Variants in USP6 observed in about 807,000 individuals in gnomAD.
USP6 encodes the protein ubiquitin specific peptidase 6.
USP6 carries 128 observed loss-of-function variants against 175.7 expected under a neutral mutation model. The observed-to-expected ratio is 0.73, with a 90% confidence interval of 0.63 to 0.84. USP6 has a LOEUF of 0.84. Ranked by LOEUF, USP6 falls within the 40% of genes least tolerant of loss-of-function variation. USP6 has a pLI of 0.00. For missense variants in USP6, 1,498 were observed against 1,760.3 expected, an observed-to-expected ratio of 0.85 and a Z score of 2.67; for synonymous variants, 562 against 630.6, an observed-to-expected ratio of 0.89 and a Z score of 1.63.
intron 31 of USP6, among the ~76,000 whole-genome samples, chr17:5,160,621 CTGT>C (rs956725870): frequency 3.3e-5 from 5 of 152,288 alleles, no homozygotes; most frequent in Non-Finnish European, 7.3e-5. Context: ...TTAATCCAGT[CTGT>C]TGTTGTTGGA....
chr17:5,141,700 T>C (rs1404421531), intron 23 of USP6, among the ~76,000 whole-genome samples: 2 of 152,214 alleles, frequency 1.3e-5, no homozygotes, highest in African/African-American at 2.4e-5. Flanking sequence ...AACTCTGCAA[T>C]TTAATAATTT....
At position 5,156,290 on chromosome 17, in the gene USP6, A is replaced by G. The variant is rs540939955; in HGVS notation, c.2828+684A>G. The stretch of plus-strand genomic sequence containing the variant: ...TATTTTTATCTCAATCAAATTGTAG[A>G]TCATTTTCTTTTCTTTTTTTTTTTT... On this transcript the variant is annotated intron_variant, in intron 31 of 37. Transcript: ENST00000574788. Among the ~76,000 whole-genome samples the G allele has an allele frequency of 2.6e-5, 4 of 151,282 alleles. No individual in the cohort carries two copies. The East Asian group carries it at 7.7e-4, about 29-fold the overall frequency.
intron 10 of USP6, 21 bp downstream of exon 10, chr17:5,130,460 T>C: frequency 6.2e-7 from 1 of 1,613,978 alleles, no homozygotes; most frequent in Non-Finnish European, 8.5e-7. Context: ...GTCTGCTCCT[T>C]GGAGGGAGGC....
At chr17:5,167,115 C>T (rs1463260176) in intron 33 of USP6, among the ~76,000 whole-genome samples, 1 of 152,154 alleles carries the variant, frequency 6.6e-6, no homozygotes, top group Non-Finnish European at 1.5e-5. Flanking sequence ...ATGAGTTGTA[C>T]CCTGTGGTGT....
chr17:5,123,919 G>GCGCA (rs760506209), intron 4 of USP6, among the ~76,000 whole-genome samples: 3 of 150,298 alleles, frequency 2.0e-5, no homozygotes, highest in South Asian at 4.2e-4. Flanking sequence ...ACACACACAC[G>GCGCA]CACACACACA....
At chr17:5,138,478 C>CTCAGG in intron 21 of USP6, among the ~76,000 whole-genome samples, 1 of 152,268 alleles carries the variant, frequency 6.6e-6, no homozygotes, top group South Asian at 2.1e-4. Flanking sequence ...GTGTTGTGCA[C>CTCAGG]GCAGGAGAGG....
chr17:5,144,853 T>C lies in USP6; in HGVS notation c.1982T>C (p.Val661Ala). 6 of 1,599,192 alleles carry C rather than the reference T, an allele frequency of 3.8e-6. No individual in the cohort carries two copies. Among genetic ancestry groups the C allele is most frequent in the Non-Finnish European group, 5.1e-6 (6 of 1,168,858 alleles). ...KDSDGRPDWE[V>A]AAEAWDNHLR... The stretch of plus-strand genomic sequence containing the variant: ...AGTGATGGCCGACCAGACTGGGAAG[T>C]AGCTGCAGAGGTTTGTCAGTTTTGA... The change falls in exon 26 of 38, where the codon GTA becomes GCA. Residue 661 changes from valine (V) to alanine (A), a missense_variant. Transcript: ENST00000574788.
chr17:5,133,354 C>T, intron 13 of USP6, 89 bp from the exon 14 acceptor site: 1 of 1,421,410 alleles, frequency 7.0e-7, no homozygotes, highest in Non-Finnish European at 9.9e-7. Context: ...ATCATGGGGC[C>T]AAAACTGACA....
At chr17:5,129,815 C>G (rs369670154) in intron 8 of USP6, 121 bp from the exon 9 acceptor site, 1 of 161,386 alleles carries the variant, frequency 6.2e-6, no homozygotes, top group African/African-American at 2.4e-5. Flanking sequence ...AAACCAAACA[C>G]ACTCCTGCTC....
chr17:5,155,532 T>C lies in USP6; in HGVS notation c.2754T>C (p.Asp918=). Residue 918 remains aspartate, a synonymous_variant, in exon 31 of 38, where the codon GAT becomes GAC. Transcript: ENST00000574788. ...TVHTRKKDLY[D]AVWIQVSWLA... Reference sequence around the variant, plus strand: ...ATACCCGGAAGAAAGACCTATATGATGCGGTTTGGATTCAAGTATCCTGGT... The same window carrying C: ...ATACCCGGAAGAAAGACCTATATGACGCGGTTTGGATTCAAGTATCCTGGT... 1.2e-6 allele frequency: 2 copies of C among 1,614,096 alleles called. No homozygotes were observed. Among genetic ancestry groups the C allele is most frequent in the African/African-American group, 1.3e-5 (1 of 75,014 alleles).
chr17:5,173,208 A>G lies in USP6; in HGVS notation c.*230A>G, dbSNP rs2074263661. 1.9e-6 allele frequency: 1 copy of G among 534,594 alleles called. No homozygotes were observed. Among genetic ancestry groups the G allele is most frequent in the Non-Finnish European group, 3.2e-6 (1 of 316,032 alleles). The allele number at this position is 534,594 out of a possible 1,614,324, so 33.1% of individuals were successfully genotyped here. On this transcript the variant is annotated 3_prime_UTR_variant, in exon 38 of 38. Coordinates refer to ENST00000574788, the MANE Select transcript of USP6 (RefSeq NM_001304284.2). ...CAGGCAGATCCCACCATTAGCCTGT[A>G]AACAAAAGGTGTGGCACCAGCCACC...
At chr17:5,172,709 T>A in intron 37 of USP6, 96 bp from the exon 38 acceptor site, 1 of 1,528,626 alleles carries the variant, frequency 6.5e-7, no homozygotes, top group Non-Finnish European at 8.9e-7. Flanking sequence ...AGCAATCAGG[T>A]TAGTAATTAC....
intron 4 of USP6, among the ~76,000 whole-genome samples, chr17:5,122,572 G>A (rs938325210): frequency 3.3e-5 from 5 of 152,234 alleles, no homozygotes; most frequent in African/African-American, 9.6e-5. Context: ...CCCAGCCCTG[G>A]GCCCCCTCCC....
chr17:5,143,262 A>G (rs2073504972), intron 25 of USP6, among the ~76,000 whole-genome samples: 1 of 152,218 alleles, frequency 6.6e-6, no homozygotes, highest in Non-Finnish European at 1.5e-5. Context: ...TGTACCCAAC[A>G]GCTCATTGAG....
At chr17:5,156,010 T>C (rs1270567914) in intron 31 of USP6, among the ~76,000 whole-genome samples, 2 of 152,218 alleles carry the variant, frequency 1.3e-5, no homozygotes, top group Non-Finnish European at 1.5e-5. Context: ...TCCTCTGAAA[T>C]TCAGAATGAG....
chr17:5,132,347 G>A lies in USP6; in HGVS notation c.156-49G>A, dbSNP rs368442801. On this transcript the variant is annotated intron_variant, in intron 11 of 37. Coordinates refer to ENST00000574788, the MANE Select transcript of USP6 (RefSeq NM_001304284.2). This position sits in a 1 kb window ranked among gnomAD's most constrained non-coding sequence, Gnocchi z 4.7. The stretch of plus-strand genomic sequence containing the variant: ...TGGGGGTCGGCTCCCAGGCTTGGGC[G>A]GCTCCAGGCCCTGTGCACGTCCTCA... 297 of 1,611,988 alleles carry A rather than the reference G, an allele frequency of 1.8e-4. No individual in the cohort carries two copies. Among genetic ancestry groups the A allele is most frequent in the Admixed American group, 3.5e-4 (21 of 59,994 alleles).
intron 26 of USP6, 86 bp from the exon 27 acceptor site, chr17:5,145,319 A>T: frequency 2.1e-6 from 3 of 1,423,218 alleles, no homozygotes; most frequent in Middle Eastern, 3.7e-4. Context: ...TTTAAATCCA[A>T]TATATTTAAC....
At chr17:5,135,991 G>A in intron 17 of USP6, 63 bp downstream of exon 17, 2 of 1,595,958 alleles carry the variant, frequency 1.3e-6, no homozygotes, top group South Asian at 2.2e-5. Context: ...CTGTGGCCAG[G>A]TGATCTCGGC....
At chr17:5,161,947 G>C (rs975078628) in intron 32 of USP6, among the ~76,000 whole-genome samples, 7 of 152,290 alleles carry the variant, frequency 4.6e-5, no homozygotes, top group African/African-American at 1.7e-4. Context: ...AGGAGGCGGA[G>C]ACTGCAGTGA....
Sources: gnomAD v4.1 joint callset for allele counts (sites outside exome capture counted in the v4.1 genomes callset) on GRCh38, gnomAD v4.1.1 for gene constraint, Gnocchi (gnomAD v3.1) non-coding constraint, MANE v1.5 for transcripts, NCBI Gene and HGNC (gene_info 2026-07-23, HGNC 2026-07-21) for gene names.